The following KCND3 variants were observed in gnomAD, a reference collection of about 807,000 sequenced individuals.
The protein encoded by KCND3 is potassium voltage-gated channel subfamily D member 3, also known as A-type voltage-gated potassium channel KCND3.
Under a neutral mutation model 51.1 loss-of-function variants are expected in KCND3, and 9 were observed. That is an observed-to-expected ratio of 0.18 (90% CI 0.11 to 0.31). KCND3 has a LOEUF of 0.31. Ranked by LOEUF, KCND3 falls within the 10% of genes least tolerant of loss-of-function variation. The pLI is 1.00. For synonymous variants in KCND3, 349 were observed against 368.0 expected (o/e 0.95, Z 0.59); for missense variants, 526 against 903.8 (o/e 0.58, Z 5.36).
At chr1:111,971,179 A>G (rs1188732305) in intron 2 of KCND3, among the ~76,000 whole-genome samples, 1 of 152,036 alleles carries the variant, frequency 6.6e-6, no homozygotes, top group Non-Finnish European at 1.5e-5. Context: ...TTTAGACCCC[A>G]TGTGCCATCC....
chr1:111,891,666 CT>C lies in KCND3; in HGVS notation c.1106+89954del, dbSNP rs1468788552. ...GGGTTACCAGCAAACTTAATCATGTCTTGTGTTGTCTGTCCCACAACTAGTA... is the reference window on the plus strand; with the variant it reads ...GGGTTACCAGCAAACTTAATCATGTCTGTGTTGTCTGTCCCACAACTAGTA... On this transcript the variant is annotated intron_variant, in intron 2 of 7. Transcript: ENST00000302127. Among the ~76,000 whole-genome samples, 4 of 152,204 alleles carry C rather than the reference CT, an allele frequency of 2.6e-5. No individual in the cohort carries two copies. The East Asian group carries it at 7.7e-4, about 29-fold the overall frequency.
rs144600384 is a variant in KCND3, at chr1:111,982,208, G to A, written c.519C>T (p.Phe173=). 319 of 1,614,064 alleles carry A rather than the reference G, an allele frequency of 2.0e-4. 9 individuals carry two copies. In the East Asian group the frequency reaches 6.8e-3, roughly 35 times the overall value. ...CCAGCGTGCTGGTGTGGGGGTTCTCGAAGGCCCGCCACATGGTCTGGCGGA... is the reference window on the plus strand; with the variant it reads ...CCAGCGTGCTGGTGTGGGGGTTCTCAAAGGCCCGCCACATGGTCTGGCGGA... ...LSFRQTMWRA[F]ENPHTSTLAL... is the part of the protein sequence containing the mutation. Residue 173 remains phenylalanine (F), a synonymous_variant, in exon 2 of 8, where the codon TTC becomes TTT. Coordinates refer to ENST00000302127, the MANE Select transcript of KCND3 (RefSeq NM_001378969.1). The surrounding 1 kb of genome is among the most constrained non-coding windows in gnomAD (Gnocchi z 8.5).
At chr1:111,826,295 A>G (rs1666568893) in intron 2 of KCND3, among the ~76,000 whole-genome samples, 1 of 152,172 alleles carries the variant, frequency 6.6e-6, no homozygotes, top group Non-Finnish European at 1.5e-5. Context: ...AGGTAGCCAC[A>G]TTGATTTCTT....
chr1:111,804,211 C>T (rs980231747), intron 2 of KCND3, among the ~76,000 whole-genome samples: 2 of 152,256 alleles, frequency 1.3e-5, no homozygotes, highest in African/African-American at 4.8e-5. Context: ...TGGCCAGGGA[C>T]TCTGCTGTTT....
intron 2 of KCND3, among the ~76,000 whole-genome samples, chr1:111,804,477 A>C (rs1304689905): frequency 6.6e-6 from 1 of 152,048 alleles, no homozygotes; most frequent in Non-Finnish European, 1.5e-5. Context: ...TTTGGGTCTG[A>C]CCTAGCTGCA....
In KCND3 at chr1:111,787,250, C is replaced by T. The variant is rs1664646718; in HGVS notation, c.1107-144G>A. The T allele has an allele frequency of 4.6e-6, 4 of 867,384 alleles. No homozygotes were observed. In the East Asian group the frequency reaches 1.0e-4, roughly 23 times the overall value. 53.7% of individuals were successfully genotyped at this position (867,384 alleles called of 1,614,324 possible). On this transcript the variant is annotated intron_variant, in intron 2 of 7. Coordinates refer to ENST00000302127, the MANE Select transcript of KCND3 (RefSeq NM_001378969.1). ...ATCTACTATGTGCCAGGTACTGTGA[C>T]ATGGACCTGGGGGTGAACAAGAGAG...
chr1:111,895,762 T>C (rs1308891823), intron 2 of KCND3, among the ~76,000 whole-genome samples: 1 of 152,162 alleles, frequency 6.6e-6, no homozygotes, highest in Non-Finnish European at 1.5e-5. Flanking sequence ...TCGGGCCCAG[T>C]GGGTGGGCAG....
intron 2 of KCND3, among the ~76,000 whole-genome samples, chr1:111,854,358 G>A (rs550919328): frequency 6.6e-6 from 1 of 152,332 alleles, no homozygotes; most frequent in South Asian, 2.1e-4. Context: ...ACCCAAGCTG[G>A]AGGATGTATT....
chr1:111,813,057 A>T (rs1415557987), intron 2 of KCND3, among the ~76,000 whole-genome samples: 1 of 152,162 alleles, frequency 6.6e-6, no homozygotes, highest in East Asian at 1.9e-4. Flanking sequence ...GGCTCCTGGG[A>T]ATCCAACTAT....
chr1:111,987,943 T>C (rs965049565), intron 1 of KCND3, among the ~76,000 whole-genome samples: 3 of 152,172 alleles, frequency 2.0e-5, no homozygotes, highest in African/African-American at 7.2e-5. Flanking sequence ...CATTTTCCCC[T>C]GCTGTAAAAA....
At chr1:111,852,775 A>G (rs963768202) in intron 2 of KCND3, among the ~76,000 whole-genome samples, 1 of 152,194 alleles carries the variant, frequency 6.6e-6, no homozygotes. Context: ...AATTACAATC[A>G]CTGAGTCGTA....
chr1:111,924,479 T>G (rs957470953), intron 2 of KCND3, among the ~76,000 whole-genome samples: 1 of 152,334 alleles, frequency 6.6e-6, no homozygotes, highest in African/African-American at 2.4e-5. Context: ...AAGTTTTTAT[T>G]TGTTAACATG....
intron 2 of KCND3, among the ~76,000 whole-genome samples, chr1:111,811,484 C>T (rs764141414): frequency 5.3e-5 from 8 of 152,168 alleles, no homozygotes; most frequent in Non-Finnish European, 8.8e-5. Flanking sequence ...GGGTCTGTCC[C>T]TCCCTTACCT....
At chr1:111,783,867 G>T (rs1029803253) in intron 3 of KCND3, among the ~76,000 whole-genome samples, 2 of 152,102 alleles carry the variant, frequency 1.3e-5, no homozygotes, top group Admixed American at 6.5e-5. Context: ...GAAAATCCAG[G>T]AATCATATAG....
At position 111,778,410 on chromosome 1, in the gene KCND3, T is replaced by A. The variant is rs640029; in HGVS notation, c.1518+26A>T. 0.2 allele frequency: 313,882 copies of A among 1,598,466 alleles called. 33,181 individuals carry two copies. Among genetic ancestry groups the A allele is most frequent in the African/African-American group, 0.34 (25,410 of 74,492 alleles). On this transcript the variant is annotated intron_variant, in intron 6 of 7. Transcript: ENST00000302127. ...CTCAGAATTATCAGAGAGAAAAACATCAATTGAATTTTTAAAAAGTTATAC... is the reference window on the plus strand; with the variant it reads ...CTCAGAATTATCAGAGAGAAAAACAACAATTGAATTTTTAAAAAGTTATAC...
At chr1:111,792,331 G>A (rs979355332) in intron 2 of KCND3, among the ~76,000 whole-genome samples, 29 of 152,206 alleles carry the variant, frequency 1.9e-4, no homozygotes, top group African/African-American at 7.0e-4. Context: ...ACTTGTTCAA[G>A]GTCACTCAGG....
chr1:111,881,604 T>G (rs902480558), intron 2 of KCND3, among the ~76,000 whole-genome samples: 2 of 152,212 alleles, frequency 1.3e-5, no homozygotes, highest in African/African-American at 4.8e-5. Context: ...GAGAAGTCAC[T>G]CAGCAGCCAC....
intron 2 of KCND3, among the ~76,000 whole-genome samples, chr1:111,964,456 TG>T (rs1673852723): frequency 5.4e-3 from 1 of 184 alleles, no homozygotes; most frequent in African/African-American, 0.017. Flanking sequence ...AGGCAGCTGG[TG>T]GGGTGGGGTG....
rs72548723 is a variant in KCND3, at chr1:111,981,590, G to C, written c.1106+31C>G. 6.2e-7 allele frequency: 1 copy of C among 1,613,864 alleles called. No individual in the cohort carries two copies. ...GTCATCCAGCTGCCCTCCAACCTCC[G>C]TCCTGGTTTCATCCACCAGCGCTGA... On this transcript the variant is annotated intron_variant, in intron 2 of 7. Transcript: ENST00000302127. The surrounding 1 kb of genome is among the most constrained non-coding windows in gnomAD (Gnocchi z 6.2).
Sources: gnomAD v4.1 joint callset for allele counts (sites outside exome capture counted in the v4.1 genomes callset) on GRCh38, gnomAD v4.1.1 for gene constraint, Gnocchi (gnomAD v3.1) non-coding constraint, MANE v1.5 for transcripts, NCBI Gene and HGNC (gene_info 2026-07-23, HGNC 2026-07-21) for gene names.